RBM5: variants seen among roughly 807,000 people sequenced by gnomAD.
The protein encoded by RBM5 is RNA binding motif protein 5.
In RBM5, 15 loss-of-function variants were observed where a neutral mutation model predicts 124.6. That is an observed-to-expected ratio of 0.12 (90% CI 0.08 to 0.19). The LOEUF (loss-of-function observed/expected upper bound fraction) is 0.19, where lower values mean the gene tolerates loss of function less well. Among genes scored for constraint, RBM5 ranks in the 10% least tolerant of loss-of-function variants. The pLI is 1.00. For synonymous variants in RBM5, 337 were observed against 361.2 expected (o/e 0.93, Z 0.76); for missense variants, 580 against 1,026.5 (o/e 0.57, Z 5.94).
At chr3:50,092,580 AAAG>A (rs1007844359) in intron 3 of RBM5, among the ~76,000 whole-genome samples, 1 of 151,888 alleles carries the variant, frequency 6.6e-6, no homozygotes, top group African/African-American at 2.4e-5. Context: ...AAAAAAAAGA[AAAG>A]AAATAATGGC....
intron 11 of RBM5, 130 bp downstream of exon 11, chr3:50,106,994 A>C (rs1656014156): frequency 1.2e-6 from 1 of 800,862 alleles, no homozygotes; most frequent in Non-Finnish European, 2.2e-6. Context: ...CAAGGCCAGG[A>C]GGGACACGTT....
chr3:50,099,790 A>AG, intron 4 of RBM5, 192 bp from the exon 5 acceptor site: 1 of 439,152 alleles, frequency 2.3e-6, no homozygotes, highest in East Asian at 4.1e-5. Context: ...TGAACCCAGG[A>AG]GGTGGTGGTT....
chr3:50,113,348 T>C, intron 17 of RBM5, 35 bp from the exon 18 acceptor site: 1 of 1,582,300 alleles, frequency 6.3e-7, no homozygotes, highest in South Asian at 1.1e-5. Context: ...TAGCAGAAAG[T>C]CTGCATTAAT....
In RBM5 at chr3:50,117,229, C is replaced by T; in HGVS notation, c.2193-21C>T. On this transcript the variant is annotated intron_variant, in intron 23 of 24. Transcript: ENST00000347869. The surrounding 1 kb of genome is among the most constrained non-coding windows in gnomAD (Gnocchi z 4.2). ...CTGGGGCCCTGGCTGTTTTAAGTAA[C>T]TGTGTGTTTGCCACTGGCAGGAATT... The T allele has an allele frequency of 6.2e-7, 1 of 1,614,168 alleles. No homozygotes were observed. The highest frequency in any genetic ancestry group is 8.5e-7 in the Non-Finnish European group (1 of 1,180,012).
chr3:50,091,386 T>C (rs2090698797), intron 2 of RBM5, among the ~76,000 whole-genome samples: 1 of 152,214 alleles, frequency 6.6e-6, no homozygotes, highest in African/African-American at 2.4e-5. Flanking sequence ...ATTTTATCTG[T>C]GGTCAAATAG....
Position 50,107,511 on chromosome 3 carries a change from T to C in RBM5, c.983T>C (p.Val328Ala). 1 of 1,608,774 alleles carries C rather than the reference T, an allele frequency of 6.2e-7. No individual in the cohort carries two copies. Reference protein sequence around the residue: ...KDLVLSDGNRVSAFSVASTAI... With the variant: ...KDLVLSDGNRASAFSVASTAI... ...TTGGTCCTCTCAGATGGTAACCGCG[T>C]CAGCGCTTTCTCTGTAGCTAGTACG... Residue 328 changes from valine (V) to alanine (A), a missense_variant, in exon 12 of 25, where the codon GTC becomes GCC. By Grantham distance (64) the Val-to-Ala change is moderately conservative. Around this residue, in one of 6 missense-constraint regions of RBM5, gnomAD observed 42 missense variants for 101.1 expected, o/e 0.42. Coordinates refer to ENST00000347869, the MANE Select transcript of RBM5 (RefSeq NM_005778.4).
intron 20 of RBM5, chr3:50,114,954 GT>G (rs2091217142): frequency 6.3e-6 from 1 of 158,046 alleles, no homozygotes; most frequent in Non-Finnish European, 1.4e-5. Flanking sequence ...ATCATTTGAG[GT>G]CAGGAGTTCG....
intron 7 of RBM5, among the ~76,000 whole-genome samples, chr3:50,103,769 C>G (rs1163980968): frequency 6.6e-6 from 1 of 152,188 alleles, no homozygotes; most frequent in South Asian, 2.1e-4. Flanking sequence ...AGTCTCTTAA[C>G]TGTATTAACC....
intron 14 of RBM5, among the ~76,000 whole-genome samples, chr3:50,109,277 G>T (rs1314426652): frequency 6.6e-6 from 1 of 152,282 alleles, no homozygotes; most frequent in East Asian, 1.9e-4. Context: ...GTTTCACCGT[G>T]TTAGCCAGGA....
At chr3:50,091,730 GA>G (rs1377366353) in intron 2 of RBM5, among the ~76,000 whole-genome samples, 3 of 152,178 alleles carry the variant, frequency 2.0e-5, no homozygotes, top group Non-Finnish European at 4.4e-5. Flanking sequence ...GGGATGAAGG[GA>G]TAATATGTAG....
chr3:50,104,771 C>G (rs1050615952), intron 8 of RBM5: 2 of 335,820 alleles, frequency 6.0e-6, no homozygotes, highest in African/African-American at 2.1e-5. Context: ...TTAGATAATG[C>G]TGCTCATGAT....
Position 50,100,072 on chromosome 3 carries a change from T to C in RBM5, c.409+21T>C. ...AACAGGTGAGAGCTTGCTTAGTTCC[T>C]GATATTATTGTTCTCTTCCCCATTC... On this transcript the variant is annotated intron_variant, in intron 5 of 24. Coordinates refer to ENST00000347869, the MANE Select transcript of RBM5 (RefSeq NM_005778.4). The surrounding 1 kb of genome is among the most constrained non-coding windows in gnomAD (Gnocchi z 5.1). The C allele has an allele frequency of 6.2e-7, 1 of 1,608,000 alleles. No individual in the cohort carries two copies. Among genetic ancestry groups the C allele is most frequent in the Non-Finnish European group, 8.5e-7 (1 of 1,175,880 alleles).
Position 50,114,572 on chromosome 3 carries a change from G to A in RBM5, c.1839+321G>A, listed in dbSNP as rs762306938. On this transcript the variant is annotated intron_variant, in intron 20 of 24. Transcript: ENST00000347869. ...AGCTTGTTTTACTAGATAGATACTG[G>A]TCTGGGTGGGCCATTATTCTGATAT... The A allele has an allele frequency of 1.0e-5, 3 of 292,960 alleles. No individual in the cohort carries two copies. In the South Asian group the frequency reaches 1.8e-4, roughly 18 times the overall value. The allele number at this position is 292,960 out of a possible 1,614,324, so 18.1% of individuals were successfully genotyped here.
chr3:50,095,972 C>T (rs1393812468), intron 4 of RBM5, among the ~76,000 whole-genome samples: 2 of 152,086 alleles, frequency 1.3e-5, no homozygotes, highest in Non-Finnish European at 1.5e-5. Context: ...ATTGGATTCC[C>T]GTAGCTTTGG....
chr3:50,093,140 A>G (rs2090738588), intron 3 of RBM5: 1 of 149,194 alleles, frequency 6.7e-6, no homozygotes, highest in Non-Finnish European at 1.4e-5. Context: ...CTCTGTCTCA[A>G]AAAAAAAAAA....
intron 22 of RBM5, chr3:50,116,223 T>C (rs2091250389): frequency 4.1e-6 from 2 of 486,378 alleles, no homozygotes; most frequent in Non-Finnish European, 7.4e-6. Context: ...CTCACAGCAA[T>C]GCCAGAGCTT....
intron 8 of RBM5, 75 bp downstream of exon 8, chr3:50,104,383 A>G (rs2090994562): frequency 7.0e-7 from 1 of 1,434,304 alleles, no homozygotes; most frequent in Admixed American, 1.7e-5. Context: ...GCTCACTGTA[A>G]TCCCACCACT....
chr3:50,106,662 T>TTTTTAA (rs941299936), intron 10 of RBM5, 105 bp from the exon 11 acceptor site: 24 of 771,076 alleles, frequency 3.1e-5, no homozygotes, highest in Non-Finnish European at 4.5e-5. Flanking sequence ...AAGGAATTAA[T>TTTTTAA]TGCCTTTTAT....
At chr3:50,095,075 G>T (rs1361772775) in intron 4 of RBM5, among the ~76,000 whole-genome samples, 1 of 152,096 alleles carries the variant, frequency 6.6e-6, no homozygotes, top group African/African-American at 2.4e-5. Context: ...GTGCATACCT[G>T]TAGTCCCAGC....
Sources: allele counts gnomAD v4.1 joint callset (sites outside exome capture counted in the v4.1 genomes callset), GRCh38; gene constraint gnomAD v4.1.1; regional missense constraint gnomAD v4.1.1; non-coding constraint Gnocchi (gnomAD v3.1); transcripts MANE v1.5; gene names NCBI Gene and HGNC (gene_info 2026-07-23, HGNC 2026-07-21).